The following GRM3 variants were observed in gnomAD, a reference collection of about 807,000 sequenced individuals.
The protein encoded by GRM3 is metabotropic glutamate receptor 3.
A neutral mutation model predicts 70.5 loss-of-function variants in GRM3; 26 were observed. The observed-to-expected ratio is 0.37, with a 90% CI of 0.27 to 0.51. GRM3 has a LOEUF of 0.51. GRM3 is among the 20% of genes least tolerant of loss of function. GRM3 has a pLI of 0.93. For missense variants in GRM3, 859 were observed against 1,123.8 expected (o/e 0.76, Z 3.37); for synonymous variants, 443 against 434.9 (o/e 1.02, Z -0.23).
intron 1 of GRM3, among the ~76,000 whole-genome samples, chr7:86,674,506 A>C (rs1347223295): frequency 6.6e-6 from 1 of 152,164 alleles, no homozygotes; most frequent in East Asian, 1.9e-4. Context: ...CTACCTTCTA[A>C]GAGAAGGAGC....
At chr7:86,834,532 G>C (rs1375619860) in intron 3 of GRM3, among the ~76,000 whole-genome samples, 2 of 150,632 alleles carry the variant, frequency 1.3e-5, no homozygotes, top group Non-Finnish European at 2.9e-5. Context: ...TCTCTCTTGA[G>C]CATATTGTTT....
At chr7:86,669,410 C>G (rs1156951219) in intron 1 of GRM3, among the ~76,000 whole-genome samples, 3 of 152,198 alleles carry the variant, frequency 2.0e-5, no homozygotes, top group Non-Finnish European at 4.4e-5. Flanking sequence ...TCTGCTCAGA[C>G]ATGTCCATAA....
At chr7:86,753,942 A>T (rs1296864974) in intron 1 of GRM3, among the ~76,000 whole-genome samples, 2 of 152,020 alleles carry the variant, frequency 1.3e-5, no homozygotes. Context: ...TTGGGAAGAG[A>T]TATGTGTAAT....
chr7:86,699,073 T>G (rs1162252591), intron 1 of GRM3, among the ~76,000 whole-genome samples: 1 of 152,084 alleles, frequency 6.6e-6, no homozygotes, highest in East Asian at 1.9e-4. Flanking sequence ...TAAAAAATTA[T>G]AGTTTAACCA....
At chr7:86,686,230 A>G (rs1794564307) in intron 1 of GRM3, among the ~76,000 whole-genome samples, 1 of 152,164 alleles carries the variant, frequency 6.6e-6, no homozygotes, top group Non-Finnish European at 1.5e-5. Context: ...TTCTCCATAG[A>G]CACGCTCCAG....
At chr7:86,668,850 T>C (rs1387859711) in intron 1 of GRM3, among the ~76,000 whole-genome samples, 1 of 152,154 alleles carries the variant, frequency 6.6e-6, no homozygotes, top group Non-Finnish European at 1.5e-5. Flanking sequence ...GGAGGAAGTA[T>C]ATCTTCTGGG....
intron 1 of GRM3, among the ~76,000 whole-genome samples, chr7:86,755,488 T>C (rs1796323765): frequency 6.6e-6 from 1 of 151,916 alleles, no homozygotes; most frequent in Non-Finnish European, 1.5e-5. Flanking sequence ...TGGGAGAGGG[T>C]AGGTGGAGAT....
At chr7:86,830,752 GAT>G (rs1798334177) in intron 3 of GRM3, among the ~76,000 whole-genome samples, 1 of 152,154 alleles carries the variant, frequency 6.6e-6, no homozygotes, top group Non-Finnish European at 1.5e-5. Context: ...CCCAAAAAGA[GAT>G]ATTTTGAAGT....
intron 1 of GRM3, among the ~76,000 whole-genome samples, chr7:86,751,617 T>C (rs1238497938): frequency 6.6e-6 from 1 of 152,104 alleles, no homozygotes; most frequent in African/African-American, 2.4e-5. Flanking sequence ...ACTCTTCACC[T>C]TTCTCTTCCC....
intron 1 of GRM3, among the ~76,000 whole-genome samples, chr7:86,708,319 C>A (rs1212727083): frequency 6.6e-6 from 1 of 152,148 alleles, no homozygotes; most frequent in Non-Finnish European, 1.5e-5. Flanking sequence ...CCAATCACCA[C>A]CCCAAACACA....
chr7:86,747,195 C>T (rs890273464), intron 1 of GRM3, among the ~76,000 whole-genome samples: 1 of 152,078 alleles, frequency 6.6e-6, no homozygotes, highest in Non-Finnish European at 1.5e-5. Context: ...TTAGCTGACA[C>T]ATCAGCTTTA....
At chr7:86,696,118 C>T (rs919524224) in intron 1 of GRM3, among the ~76,000 whole-genome samples, 5 of 152,166 alleles carry the variant, frequency 3.3e-5, no homozygotes, top group African/African-American at 7.2e-5. Flanking sequence ...GTTTCCTTTG[C>T]ACCAAAGTGC....
At chr7:86,756,684 T>C (rs761639396) in intron 1 of GRM3, among the ~76,000 whole-genome samples, 4 of 152,184 alleles carry the variant, frequency 2.6e-5, no homozygotes, top group Non-Finnish European at 5.9e-5. Context: ...CTACATATGG[T>C]TTTATTTATA....
chr7:86,720,039 A>G (rs1214819089), intron 1 of GRM3, among the ~76,000 whole-genome samples: 1 of 152,056 alleles, frequency 6.6e-6, no homozygotes, highest in Non-Finnish European at 1.5e-5. Context: ...CATCCTACAG[A>G]TAATAGATTG....
At chr7:86,656,123 C>A (rs1457371101) in intron 1 of GRM3, among the ~76,000 whole-genome samples, 2 of 152,030 alleles carry the variant, frequency 1.3e-5, no homozygotes, top group Non-Finnish European at 2.9e-5. Flanking sequence ...AGCATGTGGG[C>A]CAGTCCAATG....
intron 1 of GRM3, among the ~76,000 whole-genome samples, chr7:86,739,000 A>G (rs928732716): frequency 6.6e-6 from 1 of 152,122 alleles, no homozygotes; most frequent in Non-Finnish European, 1.5e-5. Flanking sequence ...TTTTCAGACA[A>G]TCTCACTCAC....
intron 1 of GRM3, among the ~76,000 whole-genome samples, chr7:86,753,274 G>C (rs1389898418): frequency 6.6e-6 from 1 of 152,006 alleles, no homozygotes; most frequent in Admixed American, 6.6e-5. Context: ...GTTATGTTTT[G>C]TTTCATTTAA....
At chr7:86,743,350 A>G (rs1796030381) in intron 1 of GRM3, among the ~76,000 whole-genome samples, 1 of 152,054 alleles carries the variant, frequency 6.6e-6, no homozygotes, top group African/African-American at 2.4e-5. Flanking sequence ...CCAGCCACAC[A>G]CAGAAACATA....
chr7:86,688,734 A>G lies in GRM3; in HGVS notation c.-141+43862A>G, dbSNP rs978081319. ...ATGATATATATCTCTTACATATATG[A>G]TATATATATATCGTATATATATATC... On this transcript the variant is annotated intron_variant, in intron 1 of 5. Transcript: ENST00000361669. Among the ~76,000 whole-genome samples, 28 of 143,722 alleles carry G rather than the reference A, an allele frequency of 1.9e-4. 1 individual carries two copies. The South Asian group carries it at 5.5e-3, about 28-fold the overall frequency. 94.3% of individuals were successfully genotyped at this position (143,722 alleles called of 152,430 possible).
Sources: allele counts gnomAD v4.1 joint callset (sites outside exome capture counted in the v4.1 genomes callset), GRCh38; gene constraint gnomAD v4.1.1; transcripts MANE v1.5; gene names NCBI Gene and HGNC (gene_info 2026-07-23, HGNC 2026-07-21).